Variants in NELL1 observed in about 807,000 individuals in gnomAD.
NELL1 encodes neural EGFL like 1.
NELL1 carries 76 observed loss-of-function variants against 107.4 expected under a neutral mutation model. The ratio of observed to expected loss-of-function variants is 0.71; its 90% CI spans 0.59 to 0.86. NELL1 has a LOEUF of 0.86. Ranked by LOEUF, NELL1 falls within the 40% of genes least tolerant of loss-of-function variation. NELL1 has a pLI of 0.00. For missense variants in NELL1, 1,024 were observed against 1,005.5 expected, an observed-to-expected ratio of 1.02 and a Z score of -0.25; for synonymous variants, 353 against 341.2, an observed-to-expected ratio of 1.03 and a Z score of -0.38.
At chr11:21,372,026 A>G (rs1851367989) in intron 15 of NELL1, among the ~76,000 whole-genome samples, 1 of 152,114 alleles carries the variant, frequency 6.6e-6, no homozygotes, top group South Asian at 2.1e-4. Flanking sequence ...TTGTTCAGTA[A>G]GGAAGTCAGT....
intron 2 of NELL1, among the ~76,000 whole-genome samples, chr11:20,701,316 A>T (rs1238183312): frequency 6.6e-6 from 1 of 152,076 alleles, no homozygotes; most frequent in East Asian, 1.9e-4. Context: ...TCTTTTGAGA[A>T]GTGTCTGTTC....
At chr11:21,191,853 T>G (rs1857056575) in intron 13 of NELL1, among the ~76,000 whole-genome samples, 1 of 151,974 alleles carries the variant, frequency 6.6e-6, no homozygotes, top group Admixed American at 6.6e-5. Flanking sequence ...AATGAAATTA[T>G]GTTTTAACTT....
chr11:21,105,060 T>C (rs1368719089), intron 12 of NELL1, among the ~76,000 whole-genome samples: 3 of 152,078 alleles, frequency 2.0e-5, no homozygotes, highest in Non-Finnish European at 2.9e-5. Flanking sequence ...ACATATGAAT[T>C]TGGGGGGGAC....
chr11:20,834,116 A>G (rs1481235186), intron 3 of NELL1, among the ~76,000 whole-genome samples: 4 of 152,216 alleles, frequency 2.6e-5, no homozygotes, highest in Admixed American at 2.6e-4. Flanking sequence ...GGATTCGGTG[A>G]GACCTGATAG....
intron 12 of NELL1, among the ~76,000 whole-genome samples, chr11:20,970,371 G>T (rs932358943): frequency 2.7e-5 from 4 of 150,386 alleles, no homozygotes; most frequent in African/African-American, 9.8e-5. Context: ...ATCTATTGTG[G>T]CTGGGTCTTG....
At chr11:21,442,003 C>T (rs987754093) in intron 15 of NELL1, among the ~76,000 whole-genome samples, 2 of 152,134 alleles carry the variant, frequency 1.3e-5, no homozygotes, top group Admixed American at 6.5e-5. Context: ...AATAAAAATA[C>T]TTATAGGTTC....
At position 21,364,608 on chromosome 11, in the gene NELL1, A is replaced by G. The variant is rs562817306; in HGVS notation, c.1550-6245A>G. Among the ~76,000 whole-genome samples the G allele has an allele frequency of 6.6e-5, 10 of 152,262 alleles. No individual in the cohort carries two copies. The South Asian group carries it at 1.9e-3, about 28-fold the overall frequency. Reference sequence around the variant, plus strand: ...AGTAGAAAATATCAGAATGCATTATACATACTAAGAATACATTTTATGTTT... The same window carrying G: ...AGTAGAAAATATCAGAATGCATTATGCATACTAAGAATACATTTTATGTTT... On this transcript the variant is annotated intron_variant, in intron 14 of 19. Transcript: ENST00000357134.
intron 15 of NELL1, among the ~76,000 whole-genome samples, chr11:21,483,975 T>C (rs1270535950): frequency 7.6e-6 from 1 of 131,192 alleles, no homozygotes; most frequent in Non-Finnish European, 1.6e-5. Flanking sequence ...TATTTGGGTA[T>C]CCTATTTTAC....
intron 13 of NELL1, among the ~76,000 whole-genome samples, chr11:21,222,398 A>G (rs1300218605): frequency 6.8e-6 from 1 of 147,588 alleles, no homozygotes; most frequent in Non-Finnish European, 1.5e-5. Context: ...GGGTTTCACC[A>G]TGTTAGCCAG....
At chr11:21,418,362 T>G (rs1169072244) in intron 15 of NELL1, among the ~76,000 whole-genome samples, 1 of 152,116 alleles carries the variant, frequency 6.6e-6, no homozygotes, top group African/African-American at 2.4e-5. Flanking sequence ...ATGATCTTGG[T>G]CAACTTATCT....
At chr11:21,408,745 G>T (rs1247617008) in intron 15 of NELL1, among the ~76,000 whole-genome samples, 1 of 152,018 alleles carries the variant, frequency 6.6e-6, no homozygotes, top group Admixed American at 6.6e-5. Flanking sequence ...CTTTGCCCAT[G>T]CCTATGTCCA....
rs78322500 is a variant in NELL1 at position 20,819,880 on chromosome 11, A to G, written c.336-27703A>G. Among the ~76,000 whole-genome samples, 612 of 152,364 alleles carry G rather than the reference A, an allele frequency of 4.0e-3. 2 individuals carry two copies. The highest frequency in any genetic ancestry group is 0.014 in the African/African-American group (584 of 41,582). On this transcript the variant is annotated intron_variant, in intron 3 of 19. Transcript: ENST00000357134. ...TCATCTTTCAGAGGACTCTGGGGAC[A>G]TAAAGCACTATTAACTGTAGTTGTA...
At chr11:21,305,399 G>A (rs1408205168) in intron 14 of NELL1, among the ~76,000 whole-genome samples, 1 of 152,000 alleles carries the variant, frequency 6.6e-6, no homozygotes, top group Non-Finnish European at 1.5e-5. Flanking sequence ...GAAGCACATA[G>A]ATTCTAAGGG....
intron 13 of NELL1, among the ~76,000 whole-genome samples, chr11:21,118,248 G>T (rs1157925484): frequency 6.6e-6 from 1 of 152,002 alleles, no homozygotes; most frequent in Non-Finnish European, 1.5e-5. Flanking sequence ...ATTGACTGAG[G>T]CATGCTAGCA....
At chr11:21,486,792 A>G (rs929972062) in intron 15 of NELL1, among the ~76,000 whole-genome samples, 26 of 152,158 alleles carry the variant, frequency 1.7e-4, no homozygotes, top group African/African-American at 6.0e-4. Flanking sequence ...AAAGAAGCAG[A>G]AATCTTGGAA....
At chr11:20,951,673 G>T (rs1020095814) in intron 11 of NELL1, among the ~76,000 whole-genome samples, 2 of 152,166 alleles carry the variant, frequency 1.3e-5, no homozygotes, top group African/African-American at 4.8e-5. Flanking sequence ...AAGAACTATA[G>T]AATTGGTAGG....
chr11:21,152,836 T>G, intron 13 of NELL1, among the ~76,000 whole-genome samples: 1 of 152,198 alleles, frequency 6.6e-6, no homozygotes, highest in East Asian at 1.9e-4. Context: ...TTTGAGCTAT[T>G]TCCAGAGGCT....
At chr11:21,029,037 T>C (rs1487393035) in intron 12 of NELL1, among the ~76,000 whole-genome samples, 1 of 152,140 alleles carries the variant, frequency 6.6e-6, no homozygotes, top group African/African-American at 2.4e-5. Flanking sequence ...CTCTGTATTG[T>C]AGATTTGTAA....
At chr11:21,249,375 G>T (rs1020413693) in intron 14 of NELL1, among the ~76,000 whole-genome samples, 8 of 151,736 alleles carry the variant, frequency 5.3e-5, no homozygotes, top group Non-Finnish European at 8.8e-5. Flanking sequence ...AATTTCAACA[G>T]ATATATTCTT....
Sources: allele counts gnomAD v4.1 joint callset (sites outside exome capture counted in the v4.1 genomes callset), GRCh38; gene constraint gnomAD v4.1.1; transcripts MANE v1.5; gene names NCBI Gene and HGNC (gene_info 2026-07-23, HGNC 2026-07-21).